The following DDC variants were observed in gnomAD, a reference collection of about 807,000 sequenced individuals.
The protein encoded by DDC is aromatic-L-amino-acid decarboxylase.
Under a neutral mutation model 60.0 loss-of-function variants are expected in DDC, and 43 were observed. That is an observed-to-expected ratio of 0.72 (90% CI 0.56 to 0.92). DDC has a LOEUF of 0.92. DDC is among the 40% of genes least tolerant of loss of function. DDC has a pLI of 0.00. For missense variants in DDC, 573 were observed against 620.2 expected (o/e 0.92, Z 0.81); for synonymous variants, 232 against 234.6 (o/e 0.99, Z 0.10).
intron 9 of DDC, among the ~76,000 whole-genome samples, chr7:50,487,368 G>A (rs185218069): frequency 3.9e-5 from 6 of 152,226 alleles, no homozygotes; most frequent in Admixed American, 6.5e-5. Flanking sequence ...GAGAATTAGG[G>A]TTAGTAGTGT....
intron 7 of DDC, among the ~76,000 whole-genome samples, chr7:50,501,811 C>T (rs2329369): frequency 0.097 from 14,741 of 152,188 alleles, 1,064 homozygotes; most frequent in South Asian, 0.12. Flanking sequence ...CAGTGGGTTA[C>T]GCCTGTAATT....
rs976866464 is a variant in DDC at position 50,499,054 on chromosome 7, T to C, written c.876+94A>G. On this transcript the variant is annotated intron_variant, in intron 8 of 14. Coordinates refer to ENST00000444124, the MANE Select transcript of DDC (RefSeq NM_001082971.2). ...CATAATTGGCTGAAACAAACCTCAA[T>C]AGCAAGAGACTGGACGTCAGCTCCT... is the stretch of plus-strand genomic sequence containing the variant. The C allele has an allele frequency of 2.1e-5, 21 of 1,014,498 alleles. No homozygotes were observed. In the South Asian group the frequency reaches 2.2e-4, roughly 10 times the overall value. 62.8% of individuals were successfully genotyped at this position (1,014,498 alleles called of 1,614,324 possible). A position where few individuals can be genotyped will look rare whatever the true frequency, so the allele number is the denominator to read the frequency against.
In DDC at chr7:50,495,336, G is replaced by A. The variant is rs1170062262; in HGVS notation, c.944+14C>T. 4 of 1,604,582 alleles carry A rather than the reference G, an allele frequency of 2.5e-6. No homozygotes were observed. Among genetic ancestry groups the A allele is most frequent in the South Asian group, 1.1e-5 (1 of 90,866 alleles). On this transcript the variant is annotated intron_variant, in intron 9 of 14. Coordinates refer to ENST00000444124, the MANE Select transcript of DDC (RefSeq NM_001082971.2). ...TCGGACAGGCAACTGACATCTGTGA[G>A]CAGGGAAACTTACCACATGGCAGAA...
intron 6 of DDC, among the ~76,000 whole-genome samples, chr7:50,511,052 TACACACAC>T (rs377138071): frequency 2.0e-4 from 28 of 139,130 alleles, no homozygotes; most frequent in East Asian, 4.2e-4. Context: ...GATATATCTA[TACACACAC>T]ACACACACAC....
intron 6 of DDC, among the ~76,000 whole-genome samples, chr7:50,525,357 A>G (rs1307658482): frequency 6.6e-6 from 1 of 152,216 alleles, no homozygotes; most frequent in Non-Finnish European, 1.5e-5. Flanking sequence ...TGTCTTTGAT[A>G]TGGTACTATA....
chr7:50,552,412 A>G (rs928389926), intron 1 of DDC, among the ~76,000 whole-genome samples: 8 of 152,186 alleles, frequency 5.3e-5, no homozygotes, highest in Admixed American at 2.6e-4. Flanking sequence ...ATGCTGCGCT[A>G]TTCTCCATGC....
chr7:50,527,211 G>A (rs541011079), intron 6 of DDC, among the ~76,000 whole-genome samples: 2 of 152,124 alleles, frequency 1.3e-5, no homozygotes, highest in East Asian at 3.9e-4. Flanking sequence ...TTTACTTTAC[G>A]ACATACGCTA....
intron 10 of DDC, chr7:50,477,683 A>G (rs2042676973): frequency 2.9e-6 from 1 of 347,036 alleles, no homozygotes; most frequent in Non-Finnish European, 5.7e-6. Context: ...GAGATGCAAG[A>G]CCTCCACCCC....
intron 2 of DDC, among the ~76,000 whole-genome samples, chr7:50,541,576 G>A (rs1326577485): frequency 6.6e-6 from 1 of 152,182 alleles, no homozygotes; most frequent in Non-Finnish European, 1.5e-5. Flanking sequence ...GCAGAGAGCT[G>A]GCTACCTCTT....
intron 10 of DDC, 151 bp from the exon 11 acceptor site, chr7:50,476,794 C>A: frequency 1.4e-6 from 1 of 708,034 alleles, no homozygotes; most frequent in Non-Finnish European, 2.5e-6. Flanking sequence ...TTCTTTGCGG[C>A]ACTTCCCAGG....
chr7:50,467,124 G>T (rs983984387), intron 13 of DDC, 90 bp downstream of exon 13: 40 of 1,162,100 alleles, frequency 3.4e-5, no homozygotes, highest in Non-Finnish European at 5.1e-5. Flanking sequence ...TGGAGAGCCA[G>T]TGCCAGTGTT....
intron 1 of DDC, among the ~76,000 whole-genome samples, chr7:50,545,208 G>A (rs7786398): frequency 0.51 from 78,257 of 152,072 alleles, 20,450 homozygotes; most frequent in Admixed American, 0.61. Context: ...CATACGCATC[G>A]GACAAGCACA....
At chr7:50,495,944 G>A (rs2043118212) in intron 8 of DDC, among the ~76,000 whole-genome samples, 2 of 152,260 alleles carry the variant, frequency 1.3e-5, no homozygotes, top group South Asian at 2.1e-4. Context: ...CAGACTACAC[G>A]TGTCATGATA....
chr7:50,510,859 T>C (rs543941096), intron 6 of DDC, among the ~76,000 whole-genome samples: 2 of 150,544 alleles, frequency 1.3e-5, no homozygotes, highest in African/African-American at 4.9e-5. Flanking sequence ...TGGGCGCCTG[T>C]AGTCCCAGCT....
At chr7:50,511,728 C>CAAAAAGAAAAAAAG (rs1226575704) in intron 6 of DDC, among the ~76,000 whole-genome samples, 1 of 149,876 alleles carries the variant, frequency 6.7e-6, no homozygotes, top group African/African-American at 2.5e-5. Context: ...GACTCCATCT[C>CAAAAAGAAAAAAAG]AAAAAGAAAA....
At chr7:50,553,984 C>T (rs967889942) in intron 1 of DDC, among the ~76,000 whole-genome samples, 10 of 152,306 alleles carry the variant, frequency 6.6e-5, no homozygotes, top group African/African-American at 2.2e-4. Context: ...ACTCTGGTTA[C>T]ACAACAGGCC....
chr7:50,471,114 G>A (rs574911606), intron 11 of DDC, among the ~76,000 whole-genome samples: 72 of 152,296 alleles, frequency 4.7e-4, no homozygotes, highest in African/African-American at 1.6e-3. Flanking sequence ...GGTGAAGGCC[G>A]GATGCGGTGG....
intron 6 of DDC, among the ~76,000 whole-genome samples, chr7:50,512,515 G>C (rs925853942): frequency 2.6e-5 from 4 of 152,206 alleles, no homozygotes; most frequent in East Asian, 1.9e-4. Flanking sequence ...TAGTACAGTA[G>C]TACCTACCCA....
intron 9 of DDC, among the ~76,000 whole-genome samples, chr7:50,484,524 T>G (rs1176293760): frequency 6.6e-6 from 1 of 152,238 alleles, no homozygotes. Context: ...ATGTTTCTAA[T>G]GGGCCTGTGG....
Sources: gnomAD v4.1 joint callset for allele counts (sites outside exome capture counted in the v4.1 genomes callset) on GRCh38, gnomAD v4.1.1 for gene constraint, MANE v1.5 for transcripts, NCBI Gene and HGNC (gene_info 2026-07-23, HGNC 2026-07-21) for gene names.